ERMP1: variants seen among roughly 807,000 people sequenced by gnomAD.
ERMP1 encodes the protein Felix-ina.
Under a neutral mutation model 92.0 loss-of-function variants are expected in ERMP1, and 86 were observed. The observed-to-expected ratio is 0.93, with a 90% CI of 0.79 to 1.12. The LOEUF (loss-of-function observed/expected upper bound fraction) is 1.12. Ranked by LOEUF, ERMP1 falls within the 50% of genes most tolerant of loss-of-function variation. The pLI is 0.00. For synonymous variants in ERMP1, 530 were observed against 412.8 expected, an observed-to-expected ratio of 1.28 and a Z score of -3.44; for missense variants, 1,342 against 1,116.3, an observed-to-expected ratio of 1.20 and a Z score of -2.88.
chr9:5,835,350 A>ACGCGCG (rs57732063), upstream of ERMP1, among the ~76,000 whole-genome samples: 48,283 of 150,292 alleles, frequency 0.32, 8,728 homozygotes, highest in East Asian at 0.72. Flanking sequence ...GAGACAATGA[A>ACGCGCG]CGCGCGCGCG....
chr9:5,861,118 G>C (rs903839050), intron 5 of ERMP1, among the ~76,000 whole-genome samples: 1 of 150,938 alleles, frequency 6.6e-6, no homozygotes, highest in Non-Finnish European at 1.5e-5. Flanking sequence ...TATGCTCTCT[G>C]TCAAAATGTT....
chr9:5,787,197 C>G lies in ERMP1; in HGVS notation c.2662G>C (p.Asp888His). The change falls in exon 15 of 15, where the codon GAT (aspartate) becomes CAT (histidine). Residue 888 changes from aspartate (D) to histidine (H), a missense_variant. By Grantham distance (81) the Asp-to-His change is moderately conservative. Transcript: ENST00000339450. ...QLDALKEKFP[D>H]WTFPSAWVCT... ...ACCCAGGCAGAGGGAAATGTCCAAT[C>G]TGGGAACTTTTCCTTCAGAGCATCC... The G allele has an allele frequency of 1.2e-6, 2 of 1,614,108 alleles. No individual in the cohort carries two copies. Among genetic ancestry groups the G allele is most frequent in the Non-Finnish European group, 1.7e-6 (2 of 1,179,982 alleles).
intron 8 of ERMP1, 23 bp downstream of exon 8, chr9:5,809,988 C>A (rs995047533): frequency 2.8e-5 from 42 of 1,504,160 alleles, no homozygotes; most frequent in Non-Finnish European, 3.7e-5. Context: ...AGAAAGAAAT[C>A]AACAAATATA....
chr9:5,811,299 T>G lies in ERMP1; in HGVS notation c.1139A>C (p.Lys380Thr), dbSNP rs777667883. The G allele has an allele frequency of 2.5e-6, 4 of 1,612,910 alleles. No homozygotes were observed. In the South Asian group the frequency reaches 4.4e-5, roughly 18 times the overall value. Reference sequence around the variant, plus strand: ...CAGCATATCAGATGTAGCTAGATGCTTAAGAACTGCTAAAATGTTGTCACC... The same window carrying G: ...CAGCATATCAGATGTAGCTAGATGCGTAAGAACTGCTAAAATGTTGTCACC... ...RAGDNILAVL[K>T]HLATSDMLAA... The change falls in exon 7 of 15, where the codon AAG becomes ACG. Residue 380 changes from lysine to threonine, a missense_variant. Lys to Thr is a moderately conservative substitution (Grantham distance 78). Coordinates refer to ENST00000339450, the MANE Select transcript of ERMP1 (RefSeq NM_024896.3).
chr9:5,830,062 C>A (rs1829880696), intron 2 of ERMP1, among the ~76,000 whole-genome samples: 1 of 152,182 alleles, frequency 6.6e-6, no homozygotes, highest in African/African-American at 2.4e-5. Flanking sequence ...CAGTATGGCA[C>A]CCTCAGTGGA....
At chr9:5,789,573 C>A (rs1339664756) in intron 13 of ERMP1, among the ~76,000 whole-genome samples, 2 of 152,252 alleles carry the variant, frequency 1.3e-5, no homozygotes, top group Non-Finnish European at 2.9e-5. Flanking sequence ...GAGACAGGGT[C>A]TTGCTCTATC....
rs1173743615 is a variant in ERMP1 at position 5,830,954 on chromosome 9, T to C, written c.413A>G (p.His138Arg). 8.1e-6 allele frequency: 13 copies of C among 1,614,024 alleles called. No individual in the cohort carries two copies. Among genetic ancestry groups the C allele is most frequent in the Non-Finnish European group, 1.1e-5 (13 of 1,179,982 alleles). ...GSPENEILTV[H>R]YLLEQIKLIE... The stretch of plus-strand genomic sequence containing the variant: ...CAGTTTAATCTGTTCCAAAAGGTAG[T>C]GCACGGTCAGAATTTCATTTTCTGG... The change falls in exon 2 of 15, where the codon CAC becomes CGC. Residue 138 changes from histidine to arginine, a missense_variant. His to Arg is a conservative substitution (Grantham distance 29). Coordinates refer to ENST00000339450, the MANE Select transcript of ERMP1 (RefSeq NM_024896.3).
Position 5,797,870 on chromosome 9 carries a change from A to T in ERMP1, c.2333T>A (p.Ile778Lys), listed in dbSNP as rs760741004. 1 of 1,613,886 alleles carries T rather than the reference A, an allele frequency of 6.2e-7. No individual in the cohort carries two copies. Among genetic ancestry groups the T allele is most frequent in the Non-Finnish European group, 8.5e-7 (1 of 1,179,862 alleles). ...ATCCCAAGGTGTCTGTTCTTTGGAT[A>T]TGAGTCGGAAATGAGGAGGATTTCT... The part of the protein sequence containing the change: ...SPRNPPHFRL[I>K]SKEQTPWDSI... The change falls in exon 13 of 15, where the codon ATA becomes AAA. Residue 778 changes from isoleucine to lysine, a missense_variant. Transcript: ENST00000339450.
At chr9:5,791,305 G>A (rs993879795) in intron 13 of ERMP1, 8 of 456,314 alleles carry the variant, frequency 1.8e-5, no homozygotes, top group Non-Finnish European at 3.5e-5. Flanking sequence ...GTCACAGTAT[G>A]AGACTGAAGG....
At chr9:5,834,585 A>G (rs931289895), upstream of ERMP1, among the ~76,000 whole-genome samples, 6 of 152,232 alleles carry the variant, frequency 3.9e-5, no homozygotes, top group Non-Finnish European at 8.8e-5. Flanking sequence ...GATCCCTTTC[A>G]GTCTGTAAGC....
At chr9:5,810,849 A>C (rs1388829105) in intron 7 of ERMP1, among the ~76,000 whole-genome samples, 1 of 152,242 alleles carries the variant, frequency 6.6e-6, no homozygotes, top group African/African-American at 2.4e-5. Context: ...TTTCATTAGA[A>C]GTCAATCTGT....
chr9:5,797,902 A>C lies in ERMP1; in HGVS notation c.2301T>G (p.Val767=), dbSNP rs751171856. The change falls in exon 13 of 15, where the codon GTT becomes GTG. Residue 767 remains valine (V), a synonymous_variant. Coordinates refer to ENST00000339450, the MANE Select transcript of ERMP1 (RefSeq NM_024896.3). ...GGAAATGAGGAGGATTTCTTGGAGA[A>C]ACTTCTGGGGCAGGAAGATACCAGT... ...RKNWYLPAPE[V]SPRNPPHFRL... 1 of 1,613,472 alleles carries C rather than the reference A, an allele frequency of 6.2e-7. No homozygotes were observed. Among genetic ancestry groups the C allele is most frequent in the South Asian group, 1.1e-5 (1 of 91,018 alleles).
chr9:5,816,506 T>A (rs1490549866), intron 4 of ERMP1, among the ~76,000 whole-genome samples: 1 of 152,216 alleles, frequency 6.6e-6, no homozygotes, highest in African/African-American at 2.4e-5. Flanking sequence ...TATTCCTGGA[T>A]TCAGTTTGCT....
At chr9:5,865,552 G>A (rs573949227) in intron 5 of ERMP1, among the ~76,000 whole-genome samples, 21 of 150,366 alleles carry the variant, frequency 1.4e-4, no homozygotes, top group Admixed American at 4.6e-4. Context: ...TTATATGCAG[G>A]CCGGGCGCAG....
intron 5 of ERMP1, among the ~76,000 whole-genome samples, chr9:5,865,351 C>CA: frequency 1.3e-5 from 2 of 151,620 alleles, no homozygotes; most frequent in East Asian, 3.9e-4. Flanking sequence ...ACTAACAATA[C>CA]AAAAAAATTA....
upstream of ERMP1, among the ~76,000 whole-genome samples, chr9:5,837,377 A>C (rs1830107107): frequency 2.0e-5 from 3 of 152,214 alleles, no homozygotes; most frequent in African/African-American, 7.2e-5. Context: ...ACAATTCAGA[A>C]TCAAATATCA....
chr9:5,827,001 G>C (rs1829752898), intron 2 of ERMP1, among the ~76,000 whole-genome samples: 1 of 152,128 alleles, frequency 6.6e-6, no homozygotes, highest in East Asian at 1.9e-4. Flanking sequence ...GTGGTTAGCT[G>C]ACATCCCTTT....
intron 1 of ERMP1, 168 bp downstream of exon 1, chr9:5,832,522 C>T (rs1316885084): frequency 7.6e-6 from 4 of 523,388 alleles, no homozygotes; most frequent in Non-Finnish European, 9.7e-6. Context: ...GCAATTCAGA[C>T]CCCAGAAGAA....
chr9:5,806,426 A>C (rs577376617), intron 8 of ERMP1, among the ~76,000 whole-genome samples: 4 of 151,230 alleles, frequency 2.6e-5, no homozygotes, highest in African/African-American at 9.7e-5. Flanking sequence ...TTGCCATATA[A>C]ACTTTTTTTT....
Sources: allele counts gnomAD v4.1 joint callset (sites outside exome capture counted in the v4.1 genomes callset), GRCh38; gene constraint gnomAD v4.1.1; transcripts MANE v1.5; gene names NCBI Gene and HGNC (gene_info 2026-07-23, HGNC 2026-07-21).